The following SLC44A1 variants were observed in gnomAD, a reference collection of about 807,000 sequenced individuals.
SLC44A1 encodes the protein choline transporter-like protein 1.
In SLC44A1, 26 loss-of-function variants were observed where a neutral mutation model predicts 79.3. That is an observed-to-expected ratio of 0.33 (90% CI 0.24 to 0.46). The LOEUF (loss-of-function observed/expected upper bound fraction) is 0.46, where lower values mean the gene tolerates loss of function less well. Ranked by LOEUF, SLC44A1 falls within the 20% of genes least tolerant of loss-of-function variation. SLC44A1 has a pLI of 1.00. For missense variants in SLC44A1, 688 were observed against 798.1 expected, an observed-to-expected ratio of 0.86 and a Z score of 1.66; for synonymous variants, 263 against 286.2, an observed-to-expected ratio of 0.92 and a Z score of 0.82.
chr9:105,421,554 C>T (rs1829248926), intron 15 of SLC44A1, among the ~76,000 whole-genome samples: 1 of 150,834 alleles, frequency 6.6e-6, no homozygotes, highest in Non-Finnish European at 1.5e-5. Context: ...TCCAATCTTG[C>T]ATTAGGTTCA....
chr9:105,288,836 G>A (rs1040175765), intron 1 of SLC44A1, among the ~76,000 whole-genome samples: 1 of 152,212 alleles, frequency 6.6e-6, no homozygotes, highest in Non-Finnish European at 1.5e-5. Flanking sequence ...GAAATATAAT[G>A]AGAGAGGTCA....
At position 105,344,530 on chromosome 9, in the gene SLC44A1, T is replaced by C. The variant is rs117841882; in HGVS notation, c.407-3828T>C. Among the ~76,000 whole-genome samples, 563 of 152,262 alleles carry C rather than the reference T, an allele frequency of 3.7e-3. 1 individual carries two copies. The highest frequency in any genetic ancestry group is 6.3e-3 in the Non-Finnish European group (426 of 68,014). The stretch of plus-strand genomic sequence containing the variant: ...AGCACAAAATGTCGTAATACCAAGA[T>C]TGAGGAATGTTGTTTTAGGTAGTAT... On this transcript the variant is annotated intron_variant, in intron 4 of 15. Coordinates refer to ENST00000374720, the MANE Select transcript of SLC44A1 (RefSeq NM_080546.5).
At chr9:105,314,914 G>T (rs752254033) in intron 3 of SLC44A1, among the ~76,000 whole-genome samples, 1 of 152,180 alleles carries the variant, frequency 6.6e-6, no homozygotes, top group Non-Finnish European at 1.5e-5. Context: ...CATATTACAG[G>T]TGAAGAAACT....
At chr9:105,417,887 T>C (rs576042510) in intron 15 of SLC44A1, among the ~76,000 whole-genome samples, 33 of 149,028 alleles carry the variant, frequency 2.2e-4, no homozygotes, top group Admixed American at 2.0e-3. Flanking sequence ...TATGGTGGCA[T>C]GTGCCTATAG....
chr9:105,406,615 A>G (rs1829032282), intron 15 of SLC44A1, among the ~76,000 whole-genome samples: 1 of 152,120 alleles, frequency 6.6e-6, no homozygotes, highest in African/African-American at 2.4e-5. Context: ...GGTGGCGTGC[A>G]TCTGTAGTCC....
intron 1 of SLC44A1, among the ~76,000 whole-genome samples, chr9:105,249,803 G>A (rs368380231): frequency 3.3e-5 from 5 of 150,958 alleles, no homozygotes; most frequent in Admixed American, 3.3e-4. Flanking sequence ...CCAAAGTGCT[G>A]GGATTACAGG....
At position 105,383,285 on chromosome 9, in the gene SLC44A1, T is replaced by C; in HGVS notation, c.1795T>C (p.Leu599=). The C allele has an allele frequency of 6.2e-7, 1 of 1,614,028 alleles. No homozygotes were observed. Among genetic ancestry groups the C allele is most frequent in the South Asian group, 1.1e-5 (1 of 91,078 alleles). ...IYEMVVDVLF[L]CFAIDTKYND... is the part of the protein sequence containing the mutation. ...TGAAATGGTAGTGGATGTATTATTC[T>C]TGTGTTTTGCCATTGATACAAAATA... Residue 599 remains leucine, a synonymous_variant, in exon 14 of 16, where the codon TTG becomes CTG. Transcript: ENST00000374720.
At chr9:105,419,940 A>C (rs1267863780) in intron 15 of SLC44A1, among the ~76,000 whole-genome samples, 1 of 150,644 alleles carries the variant, frequency 6.6e-6, no homozygotes, top group Non-Finnish European at 1.5e-5. Flanking sequence ...AAAAAAAAGA[A>C]GGCAATATGT....
intron 6 of SLC44A1, among the ~76,000 whole-genome samples, chr9:105,356,648 AT>A (rs1827632066): frequency 6.6e-6 from 1 of 152,148 alleles, no homozygotes; most frequent in Non-Finnish European, 1.5e-5. Flanking sequence ...AGCTACTTTA[AT>A]ATGAGAGCAA....
At chr9:105,415,321 T>G (rs1437287940) in intron 15 of SLC44A1, among the ~76,000 whole-genome samples, 1 of 152,154 alleles carries the variant, frequency 6.6e-6, no homozygotes, top group African/African-American at 2.4e-5. Context: ...AAAACAGAAA[T>G]TACTCAGGGT....
intron 1 of SLC44A1, among the ~76,000 whole-genome samples, chr9:105,285,930 G>A (rs781500302): frequency 7.2e-5 from 11 of 152,180 alleles, no homozygotes; most frequent in Middle Eastern, 3.4e-3. Context: ...ATGAAACCCC[G>A]TCTCTATTAA....
chr9:105,421,417 T>C (rs1022509054), intron 15 of SLC44A1, among the ~76,000 whole-genome samples: 1 of 152,140 alleles, frequency 6.6e-6, no homozygotes, highest in Non-Finnish European at 1.5e-5. Context: ...GTTATATTAC[T>C]AGAGGTCAGA....
At chr9:105,424,991 A>G (rs1829302541) in intron 15 of SLC44A1, among the ~76,000 whole-genome samples, 1 of 151,922 alleles carries the variant, frequency 6.6e-6, no homozygotes. Context: ...AAAACTAACT[A>G]CACTCACATT....
chr9:105,335,718 C>A lies in SLC44A1; in HGVS notation c.406+19C>A, dbSNP rs764946441. ...ATAAATGGTGAGACATTAGGCCATC[C>A]AAATCTATGTCCTGTCACCTTGTTC... On this transcript the variant is annotated intron_variant, in intron 4 of 15. Coordinates refer to ENST00000374720, the MANE Select transcript of SLC44A1 (RefSeq NM_080546.5). 6.2e-7 allele frequency: 1 copy of A among 1,606,148 alleles called. No individual in the cohort carries two copies.
At chr9:105,285,114 T>A (rs1189743725) in intron 1 of SLC44A1, among the ~76,000 whole-genome samples, 1 of 152,260 alleles carries the variant, frequency 6.6e-6, no homozygotes, top group Non-Finnish European at 1.5e-5. Flanking sequence ...TGCAAAATTA[T>A]ATTCTATGGC....
chr9:105,285,992 T>A (rs1830465014), intron 1 of SLC44A1, among the ~76,000 whole-genome samples: 1 of 152,092 alleles, frequency 6.6e-6, no homozygotes, highest in South Asian at 2.1e-4. Flanking sequence ...TCCCAGCTAC[T>A]TGGGAGGCTG....
At position 105,385,283 on chromosome 9, in the gene SLC44A1, C is replaced by T. The variant is rs1343882743; in HGVS notation, c.1870-139C>T. On this transcript the variant is annotated intron_variant, in intron 14 of 15. Transcript: ENST00000374720. ...AATTTAGCAACTCTCATGTGTGATA[C>T]TAAACATTATTTATTGCTATGTTTT... 7 of 633,000 alleles carry T rather than the reference C, an allele frequency of 1.1e-5. No individual in the cohort carries two copies. In the East Asian group the frequency reaches 1.9e-4, roughly 17 times the overall value. 39.2% of individuals were successfully genotyped at this position (633,000 alleles called of 1,614,324 possible).
In SLC44A1 at chr9:105,391,441, A is replaced by G. The variant is rs1213614324; in HGVS notation, c.*2385A>G. The G allele has an allele frequency of 1.0e-6, 1 of 985,516 alleles. No individual in the cohort carries two copies. Among genetic ancestry groups the G allele is most frequent in the Non-Finnish European group, 1.2e-6 (1 of 829,720 alleles). The allele number at this position is 985,516 out of a possible 1,614,324, so 61.0% of individuals were successfully genotyped here. The stretch of plus-strand genomic sequence containing the variant: ...ATTATAATCTATGTGTAACCATGTC[A>G]TTTGAGTTGCAAATTAATTGCCAGG... On this transcript the variant is annotated 3_prime_UTR_variant, in exon 16 of 16. Transcript: ENST00000374720.
At chr9:105,369,634 C>T (rs572872082) in intron 12 of SLC44A1, among the ~76,000 whole-genome samples, 3 of 152,136 alleles carry the variant, frequency 2.0e-5, no homozygotes, top group Non-Finnish European at 4.4e-5. Context: ...TTAATTTATA[C>T]GAATCCACAC....
Sources: allele counts gnomAD v4.1 joint callset (sites outside exome capture counted in the v4.1 genomes callset), GRCh38; gene constraint gnomAD v4.1.1; transcripts MANE v1.5; gene names NCBI Gene and HGNC (gene_info 2026-07-23, HGNC 2026-07-21).